FAT4: variants seen among roughly 807,000 people sequenced by gnomAD.
The protein encoded by FAT4 is protocadherin Fat 4.
In FAT4, 84 loss-of-function variants were observed where a neutral mutation model predicts 303.9. The observed-to-expected ratio is 0.28, with a 90% CI of 0.23 to 0.33. The LOEUF is 0.33. Among genes scored for constraint, FAT4 ranks in the 10% least tolerant of loss-of-function variants. The pLI, the probability that FAT4 is intolerant of heterozygous loss-of-function variation, is 1.00. For missense variants in FAT4, 6,005 were observed against 6,146.8 expected, an observed-to-expected ratio of 0.98 and a Z score of 0.77; for synonymous variants, 2,307 against 2,298.8, an observed-to-expected ratio of 1.00 and a Z score of -0.10.
chr4:125,423,943 G>A (rs900768296), intron 7 of FAT4, among the ~76,000 whole-genome samples: 59 of 152,224 alleles, frequency 3.9e-4, no homozygotes, highest in African/African-American at 1.4e-3. Context: ...TTTGGAATGG[G>A]TGTATTTACC....
intron 8 of FAT4, among the ~76,000 whole-genome samples, chr4:125,443,985 C>G (rs1462469187): frequency 1.3e-5 from 2 of 151,984 alleles, no homozygotes; most frequent in African/African-American, 4.8e-5. Flanking sequence ...CTTTTATATG[C>G]TTTAGAATCT....
At position 125,490,322 on chromosome 4, in the gene FAT4, G is replaced by A; in HGVS notation, c.13506G>A (p.Leu4502=). 6.2e-7 allele frequency: 1 copy of A among 1,614,148 alleles called. No homozygotes were observed. The highest frequency in any genetic ancestry group is 8.5e-7 in the Non-Finnish European group (1 of 1,180,038). The change falls in exon 18 of 18, where the codon CTG becomes CTA. Residue 4502 remains leucine (L), a synonymous_variant. Coordinates refer to ENST00000394329, the MANE Select transcript of FAT4 (RefSeq NM_001291303.3). The stretch of plus-strand genomic sequence containing the variant: ...GTCAGGGCCCTGAAGAGATCTCTCT[G>A]CCTTTGTGGGCTGTGCCTGCCATCG... ...VLSQGPEEIS[L]PLWAVPAIVG...
intron 8 of FAT4, among the ~76,000 whole-genome samples, chr4:125,442,018 C>T (rs1285229836): frequency 6.6e-6 from 1 of 152,182 alleles, no homozygotes; most frequent in East Asian, 1.9e-4. Flanking sequence ...TTTGGCTGCT[C>T]TTGCCATATG....
chr4:125,449,480 C>A lies in FAT4; in HGVS notation c.8470C>A (p.Pro2824Thr). The change falls in exon 10 of 18, where the codon CCC becomes ACC. Residue 2824 changes from proline (P) to threonine (T), a missense_variant. Coordinates refer to ENST00000394329, the MANE Select transcript of FAT4 (RefSeq NM_001291303.3). ...MDASLPFTIN[P>T]STGDIVISRP... Reference sequence around the variant, plus strand: ...TGCAAGTCTTCCATTTACAATTAATCCCAGCACAGGGGATATTGTCATAAG... The same window carrying A: ...TGCAAGTCTTCCATTTACAATTAATACCAGCACAGGGGATATTGTCATAAG... 1 of 1,613,762 alleles carries A rather than the reference C, an allele frequency of 6.2e-7. No homozygotes were observed. The highest frequency in any genetic ancestry group is 8.5e-7 in the Non-Finnish European group (1 of 1,179,806).
chr4:125,392,192 T>A (rs992421811), intron 2 of FAT4, among the ~76,000 whole-genome samples: 1 of 152,172 alleles, frequency 6.6e-6, no homozygotes, highest in African/African-American at 2.4e-5. Context: ...GCAATCTTGA[T>A]GGCATTATCT....
intron 3 of FAT4, among the ~76,000 whole-genome samples, chr4:125,402,495 A>T (rs1411529149): frequency 6.6e-6 from 1 of 152,046 alleles, no homozygotes; most frequent in Non-Finnish European, 1.5e-5. Context: ...ACCTGAATAT[A>T]CAAGGTAAAT....
At chr4:125,356,879 C>T (rs935847220) in intron 2 of FAT4, among the ~76,000 whole-genome samples, 9 of 151,302 alleles carry the variant, frequency 5.9e-5, no homozygotes, top group Non-Finnish European at 8.9e-5. Flanking sequence ...AAGTCAATGG[C>T]GGGATACTGC....
intron 2 of FAT4, among the ~76,000 whole-genome samples, chr4:125,380,968 A>G (rs1733513850): frequency 6.6e-6 from 1 of 152,336 alleles, no homozygotes; most frequent in Middle Eastern, 3.4e-3. Context: ...CCTTATTTAG[A>G]TATCATGAAT....
chr4:125,476,112 G>C (rs1578687688), intron 12 of FAT4, 59 bp from the exon 13 acceptor site: 1 of 1,011,094 alleles, frequency 9.9e-7, no homozygotes, highest in Non-Finnish European at 1.5e-6. Context: ...GTGTTGGCTG[G>C]AAAGGCTAAT....
intron 2 of FAT4, among the ~76,000 whole-genome samples, chr4:125,348,627 A>G (rs1732096316): frequency 6.6e-6 from 1 of 151,732 alleles, no homozygotes; most frequent in African/African-American, 2.4e-5. Flanking sequence ...ACACAAATTA[A>G]TAATCCTGGA....
intron 4 of FAT4, 110 bp downstream of exon 4, chr4:125,407,251 C>A (rs1363835962): frequency 1.6e-5 from 15 of 928,630 alleles, no homozygotes; most frequent in Non-Finnish European, 2.5e-5. Context: ...TCATATACTA[C>A]TAGTTATAAA....
intron 2 of FAT4, among the ~76,000 whole-genome samples, chr4:125,381,294 G>T (rs879916952): frequency 8.5e-5 from 13 of 152,096 alleles, no homozygotes; most frequent in Non-Finnish European, 1.5e-4. Flanking sequence ...ATAGGCTGTG[G>T]TTATATTGCT....
At chr4:125,437,180 G>A (rs13119663) in intron 8 of FAT4, among the ~76,000 whole-genome samples, 150,666 of 152,174 alleles carry the variant, frequency 0.99, 74,601 homozygotes, top group East Asian at 1. Context: ...TTACAATTCA[G>A]GGTGAGATTT....
chr4:125,477,286 G>A lies in FAT4; in HGVS notation c.12431G>A (p.Arg4144Lys). 6.3e-7 allele frequency: 1 copy of A among 1,585,426 alleles called. No homozygotes were observed. Among genetic ancestry groups the A allele is most frequent in the Middle Eastern group, 1.7e-4 (1 of 5,972 alleles). Residue 4144 changes from arginine (R) to lysine (K), a missense_variant, in exon 14 of 18, where the codon AGG (arginine) becomes AAG (lysine). Arg to Lys is a conservative substitution (Grantham distance 26). Transcript: ENST00000394329. ...ATAATGGAGTTTGCAGTCAATGGAA[G>A]GCCTCTGGAACCCAGCCAAGCTTTG... ...GCIMEFAVNGRPLEPSQALAA... is the reference protein window; with the variant it reads ...GCIMEFAVNGKPLEPSQALAA...
chr4:125,334,065 T>A (rs182743058), intron 2 of FAT4, among the ~76,000 whole-genome samples: 423 of 152,138 alleles, frequency 2.8e-3, no homozygotes, highest in Middle Eastern at 0.01. Context: ...ATAACACACT[T>A]AGTTGGCAGA....
chr4:125,479,478 G>T (rs1435870677), intron 14 of FAT4, among the ~76,000 whole-genome samples: 2 of 152,100 alleles, frequency 1.3e-5, no homozygotes, highest in Non-Finnish European at 2.9e-5. Context: ...ATTCAAGTAA[G>T]AATTAATTTA....
chr4:125,374,080 T>C (rs1560785199), intron 2 of FAT4, among the ~76,000 whole-genome samples: 1 of 152,164 alleles, frequency 6.6e-6, no homozygotes, highest in African/African-American at 2.4e-5. Flanking sequence ...ACTCTTTGGC[T>C]TGGGATTTTT....
chr4:125,430,017 G>A (rs908133258), intron 7 of FAT4, among the ~76,000 whole-genome samples: 40 of 152,268 alleles, frequency 2.6e-4, no homozygotes, highest in African/African-American at 9.6e-4. Flanking sequence ...GTCCTGGGGT[G>A]GGATGAGGGG....
At chr4:125,442,090 C>T (rs1461973138) in intron 8 of FAT4, among the ~76,000 whole-genome samples, 3 of 152,308 alleles carry the variant, frequency 2.0e-5, no homozygotes, top group Non-Finnish European at 4.4e-5. Flanking sequence ...TCTTTACAAT[C>T]TGGCCCATTA....
Sources: allele counts gnomAD v4.1 joint callset (sites outside exome capture counted in the v4.1 genomes callset), GRCh38; gene constraint gnomAD v4.1.1; transcripts MANE v1.5; gene names NCBI Gene and HGNC (gene_info 2026-07-23, HGNC 2026-07-21).